Variants in RERE observed in about 807,000 individuals in gnomAD.
RERE encodes the protein arginine-glutamic acid dipeptide repeats protein.
In RERE, 40 loss-of-function variants were observed where a neutral mutation model predicts 146.1. That is an observed-to-expected ratio of 0.27 (90% CI 0.21 to 0.36). The LOEUF (loss-of-function observed/expected upper bound fraction) is 0.36, where lower values mean the gene tolerates loss of function less well. RERE is among the 10% of genes least tolerant of loss of function. RERE has a pLI of 1.00. For missense variants in RERE, 1,933 were observed against 2,138.7 expected (o/e 0.90, Z 1.90); for synonymous variants, 1,003 against 866.0 (o/e 1.16, Z -2.78).
intron 4 of RERE, among the ~76,000 whole-genome samples, chr1:8,580,873 T>C: frequency 6.6e-6 from 1 of 152,058 alleles, no homozygotes; most frequent in Non-Finnish European, 1.5e-5. Context: ...ATTTTTGTTT[T>C]TGTAGAGAAG....
intron 1 of RERE, among the ~76,000 whole-genome samples, chr1:8,723,549 A>C (rs1218331935): frequency 6.6e-6 from 1 of 152,156 alleles, no homozygotes; most frequent in African/African-American, 2.4e-5. Flanking sequence ...ATGGCCTAGT[A>C]AGTTTGAGTT....
At chr1:8,771,522 C>T (rs374785836) in intron 1 of RERE, among the ~76,000 whole-genome samples, 3 of 127,988 alleles carry the variant, frequency 2.3e-5, no homozygotes, top group African/African-American at 5.6e-5. Context: ...AAACTTGTTT[C>T]AAAAAAAAAA....
intron 4 of RERE, among the ~76,000 whole-genome samples, chr1:8,567,573 G>T (rs1211625379): frequency 1.3e-5 from 2 of 152,126 alleles, no homozygotes; most frequent in Non-Finnish European, 2.9e-5. Context: ...ATTTTGGTAG[G>T]AACTAAAACA....
rs184595588 is a variant in RERE, at chr1:8,656,350, T to C, written c.-53A>G. ...CTCACGGCTAGGCCTCCGTGAAAGG[T>C]AGACAGTAAGCCTGGGCTTCAGTCT... On this transcript the variant is annotated 5_prime_UTR_variant, in exon 2 of 23. Coordinates refer to ENST00000400908, the MANE Select transcript of RERE (RefSeq NM_001042681.2). The C allele has an allele frequency of 6.4e-7, 1 of 1,550,516 alleles. No homozygotes were observed. Among genetic ancestry groups the C allele is most frequent in the African/African-American group, 1.4e-5 (1 of 72,678 alleles).
At chr1:8,737,737 G>GA (rs1277090478) in intron 1 of RERE, among the ~76,000 whole-genome samples, 2 of 151,934 alleles carry the variant, frequency 1.3e-5, no homozygotes, top group African/African-American at 2.4e-5. Context: ...CACGTGGCTG[G>GA]AAAAAAATGT....
chr1:8,745,172 C>T (rs1280649225), intron 1 of RERE, among the ~76,000 whole-genome samples: 2 of 152,054 alleles, frequency 1.3e-5, no homozygotes, highest in African/African-American at 4.8e-5. Context: ...GGGCAGTTTC[C>T]CCCATGATGT....
chr1:8,462,464 C>T (rs1644539283), intron 11 of RERE, among the ~76,000 whole-genome samples: 1 of 152,216 alleles, frequency 6.6e-6, no homozygotes, highest in South Asian at 2.1e-4. Context: ...GGGCCAGGAA[C>T]CGAGCTGAGA....
chr1:8,754,237 CA>C (rs1640592855), intron 1 of RERE, among the ~76,000 whole-genome samples: 1 of 148,088 alleles, frequency 6.8e-6, no homozygotes, highest in Non-Finnish European at 1.5e-5. Context: ...CTTTTTTAAT[CA>C]GCAGCATCGA....
At chr1:8,793,750 T>C (rs1180580739) in intron 1 of RERE, among the ~76,000 whole-genome samples, 1 of 152,204 alleles carries the variant, frequency 6.6e-6, no homozygotes, top group African/African-American at 2.4e-5. Context: ...CTTCAGATCT[T>C]ATTTCCTTGA....
intron 11 of RERE, among the ~76,000 whole-genome samples, chr1:8,431,892 G>T (rs575851215): frequency 1.3e-5 from 2 of 152,056 alleles, no homozygotes; most frequent in Non-Finnish European, 2.9e-5. Context: ...AGTGCCTGGC[G>T]TGCTCTCTGT....
intron 1 of RERE, among the ~76,000 whole-genome samples, chr1:8,710,551 CTG>C (rs1557496260): frequency 6.6e-6 from 1 of 152,212 alleles, no homozygotes; most frequent in Non-Finnish European, 1.5e-5. Context: ...CGGAGTCTCG[CTG>C]TGTCACCCAG....
chr1:8,794,040 C>A (rs544623805), intron 1 of RERE, among the ~76,000 whole-genome samples: 5 of 151,390 alleles, frequency 3.3e-5, no homozygotes, highest in Admixed American at 1.3e-4. Flanking sequence ...TGCACTCCAG[C>A]CTGGGTGACA....
At chr1:8,775,225 C>T (rs896159919) in intron 1 of RERE, among the ~76,000 whole-genome samples, 1 of 152,088 alleles carries the variant, frequency 6.6e-6, no homozygotes, top group African/African-American at 2.4e-5. Context: ...TCCCAAAGTG[C>T]TGGGATTACA....
intron 11 of RERE, among the ~76,000 whole-genome samples, chr1:8,454,803 TCAAACAAACAAA>T (rs546867618): frequency 1.3e-5 from 2 of 151,272 alleles, no homozygotes; most frequent in African/African-American, 4.9e-5. Flanking sequence ...AGACTCTGTT[TCAAACAAACAAA>T]CAAACAAACA....
intron 8 of RERE, among the ~76,000 whole-genome samples, chr1:8,497,909 T>C (rs1177999783): frequency 1.3e-5 from 2 of 152,204 alleles, no homozygotes; most frequent in Non-Finnish European, 2.9e-5. Flanking sequence ...TATAACAAGT[T>C]GACAAAGAAG....
intron 4 of RERE, among the ~76,000 whole-genome samples, chr1:8,601,766 CACACACACACAA>C (rs1646633282): frequency 1.4e-5 from 2 of 146,670 alleles, no homozygotes; most frequent in South Asian, 4.3e-4. Flanking sequence ...CACACACACA[CACACACACACAA>C]ACACACACAC....
intron 11 of RERE, chr1:8,464,844 AC>A (rs1162078676): frequency 1.2e-4 from 18 of 151,916 alleles, no homozygotes; most frequent in Non-Finnish European, 1.5e-5. Context: ...CCCGGCACAT[AC>A]TCATTTATGA....
At chr1:8,680,395 T>C (rs1638936857) in intron 1 of RERE, among the ~76,000 whole-genome samples, 1 of 152,214 alleles carries the variant, frequency 6.6e-6, no homozygotes, top group African/African-American at 2.4e-5. Context: ...AAAGCACTTC[T>C]GAATCTGAGA....
rs190976151 is a variant in RERE at position 8,566,492 on chromosome 1, C to T, written c.523-8969G>A. Reference sequence around the variant, plus strand: ...AAAATTAGCCGGGTGTGGTGGCGACCGCCTGTAATCCCAGCTACTTGGGAG... The same window carrying T: ...AAAATTAGCCGGGTGTGGTGGCGACTGCCTGTAATCCCAGCTACTTGGGAG... On this transcript the variant is annotated intron_variant, in intron 4 of 22. Coordinates refer to ENST00000400908, the MANE Select transcript of RERE (RefSeq NM_001042681.2). Among the ~76,000 whole-genome samples the T allele has an allele frequency of 3.9e-5, 6 of 151,950 alleles. No individual in the cohort carries two copies. The East Asian group carries it at 5.9e-4, about 15-fold the overall frequency.
Sources: allele counts gnomAD v4.1 joint callset (sites outside exome capture counted in the v4.1 genomes callset), GRCh38; gene constraint gnomAD v4.1.1; transcripts MANE v1.5; gene names NCBI Gene and HGNC (gene_info 2026-07-23, HGNC 2026-07-21).